The following PLPP3 variants were observed in gnomAD, a reference collection of about 807,000 sequenced individuals.
PLPP3 encodes the protein phospholipid phosphatase 3.
In PLPP3, 6 loss-of-function variants were observed where a neutral mutation model predicts 29.6. The observed-to-expected ratio is 0.20, with a 90% CI of 0.11 to 0.40. The LOEUF is 0.40. Ranked by LOEUF, PLPP3 falls within the 10% of genes least tolerant of loss-of-function variation. PLPP3 has a pLI of 1.00. For missense variants in PLPP3, 308 were observed against 407.7 expected, an observed-to-expected ratio of 0.76 and a Z score of 2.11; for synonymous variants, 152 against 159.7, an observed-to-expected ratio of 0.95 and a Z score of 0.36.
chr1:56,520,472 A>G (rs1645811084), intron 4 of PLPP3, among the ~76,000 whole-genome samples: 1 of 152,194 alleles, frequency 6.6e-6, no homozygotes, highest in African/African-American at 2.4e-5. Flanking sequence ...TCAACATAAA[A>G]GCCCTGGGGG....
chr1:56,503,313 T>C (rs1007859735), intron 5 of PLPP3, among the ~76,000 whole-genome samples: 2 of 152,182 alleles, frequency 1.3e-5, no homozygotes, highest in Admixed American at 6.5e-5. Context: ...GCTGTTACAC[T>C]TGTCTTGAAT....
At chr1:56,503,294 G>A (rs879718950) in intron 5 of PLPP3, among the ~76,000 whole-genome samples, 1 of 152,186 alleles carries the variant, frequency 6.6e-6, no homozygotes, top group African/African-American at 2.4e-5. Flanking sequence ...CTACTGGTGT[G>A]TGATCCAAGC....
intron 1 of PLPP3, among the ~76,000 whole-genome samples, chr1:56,555,913 T>C (rs1400385277): frequency 1.3e-5 from 2 of 152,216 alleles, no homozygotes; most frequent in Non-Finnish European, 2.9e-5. Flanking sequence ...AATTTAGCAG[T>C]TAATAACCAT....
At chr1:56,504,655 C>T (rs893339365) in intron 5 of PLPP3, among the ~76,000 whole-genome samples, 7 of 152,174 alleles carry the variant, frequency 4.6e-5, no homozygotes, top group African/African-American at 9.7e-5. Context: ...TCTCACCCAT[C>T]GCCATGTCTT....
Position 56,512,139 on chromosome 1 carries a change from G to A in PLPP3, c.647C>T (p.Ala216Val). 2 of 1,601,894 alleles carry A rather than the reference G, an allele frequency of 1.2e-6. No homozygotes were observed. Among genetic ancestry groups the A allele is most frequent in the Non-Finnish European group, 1.7e-6 (2 of 1,176,280 alleles). The change falls in exon 5 of 6, where the codon GCC becomes GTC. Residue 216 changes from alanine to valine, a missense_variant. Around this residue, in one of 3 missense-constraint regions of PLPP3, gnomAD observed 232 missense variants for 317.2 expected, o/e 0.73. Transcript: ENST00000371250. ...TMLYLVLYLQ[A>V]RFTWRGARLL... Reference sequence around the variant, plus strand: ...GCGGGCTCCTCGCCAAGTGAAGCGGGCCTGCAGGTATAGCTGGAGAAAGGA... The same window carrying A: ...GCGGGCTCCTCGCCAAGTGAAGCGGACCTGCAGGTATAGCTGGAGAAAGGA...
intron 5 of PLPP3, among the ~76,000 whole-genome samples, chr1:56,498,921 C>G (rs140324867): frequency 2.0e-4 from 30 of 152,142 alleles, no homozygotes; most frequent in Non-Finnish European, 4.1e-4. Flanking sequence ...TGTGAGCCAC[C>G]GTGCCTGGCC....
chr1:56,557,066 GAAAGAAAGAAAA>G (rs1646088083), intron 1 of PLPP3, among the ~76,000 whole-genome samples: 4 of 125,750 alleles, frequency 3.2e-5, no homozygotes, highest in Non-Finnish European at 5.2e-5. Context: ...GAGAAAGAAA[GAAAGAAAGAAAA>G]AATGAGAGAG....
At chr1:56,565,446 A>C (rs1279309952) in intron 1 of PLPP3, among the ~76,000 whole-genome samples, 2 of 151,902 alleles carry the variant, frequency 1.3e-5, no homozygotes, top group African/African-American at 4.8e-5. Flanking sequence ...AATGATACAG[A>C]GTCTCCCTCT....
chr1:56,522,989 C>T (rs559487126), intron 4 of PLPP3, among the ~76,000 whole-genome samples: 2 of 152,282 alleles, frequency 1.3e-5, no homozygotes, highest in East Asian at 3.9e-4. Flanking sequence ...CTGCATTACC[C>T]AACCGTCTCC....
chr1:56,498,780 C>T (rs760886555), intron 5 of PLPP3, among the ~76,000 whole-genome samples: 28 of 152,126 alleles, frequency 1.8e-4, no homozygotes, highest in East Asian at 5.8e-4. Flanking sequence ...ATTACAGGCA[C>T]GTGCCACTAT....
At chr1:56,501,496 G>C (rs1295424888) in intron 5 of PLPP3, among the ~76,000 whole-genome samples, 2 of 152,022 alleles carry the variant, frequency 1.3e-5, no homozygotes, top group Non-Finnish European at 2.9e-5. Flanking sequence ...TAAACTTTAA[G>C]CAGTCATGTC....
At chr1:56,560,832 CTTTTTTTTTTT>C (rs397860682) in intron 1 of PLPP3, among the ~76,000 whole-genome samples, 1 of 89,334 alleles carries the variant, frequency 1.1e-5, no homozygotes. Context: ...ATTCAGAGTC[CTTTTTTTTTTT>C]TTTTTTTTTT....
chr1:56,524,240 G>A lies in PLPP3; in HGVS notation c.575+37C>T. On this transcript the variant is annotated intron_variant, in intron 3 of 5. Coordinates refer to ENST00000371250, the MANE Select transcript of PLPP3 (RefSeq NM_003713.5). This position sits in a 1 kb window ranked among gnomAD's most constrained non-coding sequence, Gnocchi z 4.3. ...CTCACTGAACTGCACTGTATGAAAG[G>A]GGTCCAGGCTCTGGCCATGCGGAGG... is the stretch of plus-strand genomic sequence containing the variant. The A allele has an allele frequency of 3.1e-6, 5 of 1,609,430 alleles. No individual in the cohort carries two copies. The highest frequency in any genetic ancestry group is 4.2e-6 in the Non-Finnish European group (5 of 1,178,024).
At position 56,579,347 on chromosome 1, in the gene PLPP3, C is replaced by T. The variant is rs1263795424; in HGVS notation, c.-331G>A. On this transcript the variant is annotated 5_prime_UTR_variant, in exon 1 of 6. Coordinates refer to ENST00000371250, the MANE Select transcript of PLPP3 (RefSeq NM_003713.5). ...CTGTTGTGGCGCGCGTCTGAGTGCGCGAGCGAGCGAGTGGGCAGCGCGGGC... is the reference window on the plus strand; with the variant it reads ...CTGTTGTGGCGCGCGTCTGAGTGCGTGAGCGAGCGAGTGGGCAGCGCGGGC... The T allele has an allele frequency of 6.8e-6, 2 of 294,420 alleles. No individual in the cohort carries two copies. The highest frequency in any genetic ancestry group is 4.6e-5 in the African/African-American group (2 of 43,552). 18.2% of individuals were successfully genotyped at this position (294,420 alleles called of 1,614,324 possible). A position where few individuals can be genotyped will look rare whatever the true frequency, so the allele number is the denominator to read the frequency against.
chr1:56,499,743 G>C (rs1645653934), intron 5 of PLPP3, among the ~76,000 whole-genome samples: 1 of 152,132 alleles, frequency 6.6e-6, no homozygotes, highest in Non-Finnish European at 1.5e-5. Flanking sequence ...ATACTGTCAA[G>C]ACCGAAACAG....
At chr1:56,541,848 T>G (rs1645971785) in intron 1 of PLPP3, among the ~76,000 whole-genome samples, 1 of 152,128 alleles carries the variant, frequency 6.6e-6, no homozygotes, top group Non-Finnish European at 1.5e-5. Flanking sequence ...AACTGAACTT[T>G]CACTGTGTAT....
rs533991704 is a variant in PLPP3 at position 56,542,055 on chromosome 1, T to C, written c.140-4943A>G. Among the ~76,000 whole-genome samples, 5 of 151,834 alleles carry C rather than the reference T, an allele frequency of 3.3e-5. No individual in the cohort carries two copies. In the East Asian group the frequency reaches 9.7e-4, roughly 29 times the overall value. ...TTCCTTTAATCAAGGATCAATTAAC[T>C]TCATATACCTCTGGGGATTTCTTGG... On this transcript the variant is annotated intron_variant, in intron 1 of 5. Coordinates refer to ENST00000371250, the MANE Select transcript of PLPP3 (RefSeq NM_003713.5).
At chr1:56,549,588 T>C (rs1419208256) in intron 1 of PLPP3, among the ~76,000 whole-genome samples, 5 of 152,228 alleles carry the variant, frequency 3.3e-5, no homozygotes. Flanking sequence ...GAGTATTTTG[T>C]AAGCAAGGTT....
intron 1 of PLPP3, among the ~76,000 whole-genome samples, chr1:56,558,951 C>G (rs562734649): frequency 7.0e-4 from 106 of 152,332 alleles, no homozygotes; most frequent in Admixed American, 4.3e-3. Context: ...GTCTTTTATA[C>G]TTGATGACCT....
Sources: allele counts gnomAD v4.1 joint callset (sites outside exome capture counted in the v4.1 genomes callset), GRCh38; gene constraint gnomAD v4.1.1; regional missense constraint gnomAD v4.1.1; non-coding constraint Gnocchi (gnomAD v3.1); transcripts MANE v1.5; gene names NCBI Gene and HGNC (gene_info 2026-07-23, HGNC 2026-07-21).